NAALADL2: variants seen among roughly 807,000 people sequenced by gnomAD.
NAALADL2 encodes inactive N-acetylated-alpha-linked acidic dipeptidase-like protein 2.
NAALADL2 carries 76 observed loss-of-function variants against 87.2 expected under a neutral mutation model. The observed-to-expected ratio is 0.87, with a 90% CI of 0.72 to 1.05. The LOEUF (loss-of-function observed/expected upper bound fraction) is 1.05. NAALADL2 is among the 50% of genes least tolerant of loss of function. The pLI is 0.00. For missense variants in NAALADL2, 1,089 were observed against 945.8 expected (o/e 1.15, Z -1.99); for synonymous variants, 354 against 331.0 (o/e 1.07, Z -0.75).
intron 2 of NAALADL2, among the ~76,000 whole-genome samples, chr3:175,185,765 T>C (rs1737240074): frequency 6.6e-6 from 1 of 150,598 alleles, no homozygotes; most frequent in Non-Finnish European, 1.5e-5. Flanking sequence ...TATAATTATA[T>C]AAGCCTTTTG....
At chr3:174,475,105 A>T (rs1309042197) in intron 1 of NAALADL2, among the ~76,000 whole-genome samples, 1 of 151,982 alleles carries the variant, frequency 6.6e-6, no homozygotes, top group Admixed American at 6.6e-5. Flanking sequence ...CTAAATGATT[A>T]GAGAAAAATA....
At chr3:174,538,275 G>A (rs1452974107) in intron 1 of NAALADL2, among the ~76,000 whole-genome samples, 2 of 152,050 alleles carry the variant, frequency 1.3e-5, no homozygotes, top group African/African-American at 2.4e-5. Flanking sequence ...TTGGCCCACG[G>A]CATTCCTAAG....
Position 175,323,887 on chromosome 3 carries a change from A to G in NAALADL2, c.940-288A>G, listed in dbSNP as rs369777702. Among the ~76,000 whole-genome samples, 108 of 151,484 alleles carry G rather than the reference A, an allele frequency of 7.1e-4. 1 individual carries two copies. In the East Asian group the frequency reaches 9.5e-3, roughly 13 times the overall value. On this transcript the variant is annotated intron_variant, in intron 4 of 13. Transcript: ENST00000454872. ...AAAAAAATTAGCCGGGTGTGGTGGC[A>G]GGCGCCTGTGGTCCCAGCTACTCGG...
chr3:174,457,701 G>A (rs1276025847), intron 1 of NAALADL2, among the ~76,000 whole-genome samples: 1 of 152,064 alleles, frequency 6.6e-6, no homozygotes, highest in Middle Eastern at 3.2e-3. Context: ...GTGTGCACCT[G>A]TAATCTCAGC....
intron 1 of NAALADL2, among the ~76,000 whole-genome samples, chr3:174,454,845 C>T (rs1320923341): frequency 2.0e-5 from 3 of 151,994 alleles, no homozygotes; most frequent in Non-Finnish European, 4.4e-5. Context: ...CAAGAGCAAA[C>T]CAACCCCAGT....
intron 2 of NAALADL2, among the ~76,000 whole-genome samples, chr3:175,165,921 G>A (rs1733932165): frequency 6.6e-6 from 1 of 151,764 alleles, no homozygotes; most frequent in Admixed American, 6.6e-5. Context: ...ATATCTTTCT[G>A]TTTACTCTCC....
chr3:174,905,028 G>A (rs557083177), intron 1 of NAALADL2, among the ~76,000 whole-genome samples: 1 of 151,732 alleles, frequency 6.6e-6, no homozygotes, highest in South Asian at 2.1e-4. Context: ...TAATTCTATA[G>A]CAGTTTTCTT....
intron 12 of NAALADL2, among the ~76,000 whole-genome samples, chr3:175,753,470 C>A (rs980909710): frequency 6.6e-6 from 1 of 151,930 alleles, no homozygotes; most frequent in Admixed American, 6.6e-5. Context: ...GTGCTGGGCA[C>A]TAAAGACATT....
At chr3:175,057,860 C>T (rs1712553318) in intron 1 of NAALADL2, among the ~76,000 whole-genome samples, 1 of 152,204 alleles carries the variant, frequency 6.6e-6, no homozygotes, top group African/African-American at 2.4e-5. Context: ...GTCACTACTA[C>T]ATTGTTTGAG....
At chr3:174,501,064 C>A (rs1320044258) in intron 1 of NAALADL2, among the ~76,000 whole-genome samples, 1 of 140,892 alleles carries the variant, frequency 7.1e-6, no homozygotes, top group East Asian at 2.3e-4. Flanking sequence ...CTTACATAGG[C>A]ATATAGGTCT....
chr3:175,544,451 C>T (rs1279590891), intron 9 of NAALADL2, among the ~76,000 whole-genome samples: 1 of 152,142 alleles, frequency 6.6e-6, no homozygotes, highest in Non-Finnish European at 1.5e-5. Context: ...TATATGGATG[C>T]AGGCAGTTTT....
chr3:175,095,366 C>G (rs1017451176), intron 1 of NAALADL2, among the ~76,000 whole-genome samples: 2 of 151,936 alleles, frequency 1.3e-5, no homozygotes, highest in Non-Finnish European at 2.9e-5. Flanking sequence ...TGATGGGTCG[C>G]TATTTGTGGA....
At chr3:175,722,237 C>G (rs759707802) in intron 11 of NAALADL2, among the ~76,000 whole-genome samples, 1 of 152,076 alleles carries the variant, frequency 6.6e-6, no homozygotes, top group African/African-American at 2.4e-5. Context: ...TCATCAGTTG[C>G]TGCCCCATAA....
intron 11 of NAALADL2, among the ~76,000 whole-genome samples, chr3:175,653,792 A>G (rs1731095400): frequency 6.6e-6 from 1 of 152,080 alleles, no homozygotes; most frequent in Non-Finnish European, 1.5e-5. Context: ...TTTCCTTTCC[A>G]TAGAGTACTG....
rs1264422588 is a variant in NAALADL2 at position 175,216,440 on chromosome 3, G to A, written c.546-17491G>A. ...ATAGTTGCAACAAATTTATGGAAAA[G>A]TAGATAGTTCTTTCCAAGACTACTT... On this transcript the variant is annotated intron_variant, in intron 2 of 13. Coordinates refer to ENST00000454872, the MANE Select transcript of NAALADL2 (RefSeq NM_207015.3). Among the ~76,000 whole-genome samples the A allele has an allele frequency of 2.0e-5, 3 of 151,950 alleles. No individual in the cohort carries two copies. The East Asian group carries it at 5.8e-4, about 29-fold the overall frequency.
chr3:175,309,607 GT>G (rs1004032844), intron 4 of NAALADL2, among the ~76,000 whole-genome samples: 2,002 of 147,602 alleles, frequency 0.014, 48 homozygotes, highest in African/African-American at 0.046. Flanking sequence ...CAGGATAACT[GT>G]TTTTTTTTTC....
At chr3:175,468,675 T>C (rs549531487) in intron 8 of NAALADL2, among the ~76,000 whole-genome samples, 22 of 152,180 alleles carry the variant, frequency 1.4e-4, no homozygotes, top group Admixed American at 1.4e-3. Context: ...AATTCTAAAT[T>C]AAAATATATA....
At chr3:175,588,529 C>CTTTTT (rs1430802993) in intron 10 of NAALADL2, among the ~76,000 whole-genome samples, 3 of 94,496 alleles carry the variant, frequency 3.2e-5, no homozygotes, top group African/African-American at 1.2e-4. Context: ...TTCTTTCTTT[C>CTTTTT]TTTTCTTTTT....
chr3:175,348,713 T>C (rs991649316), intron 5 of NAALADL2, among the ~76,000 whole-genome samples: 15 of 152,142 alleles, frequency 9.9e-5, no homozygotes, highest in African/African-American at 3.6e-4. Context: ...ATACTAGTGA[T>C]TGGATTTAGG....
Sources: allele counts gnomAD v4.1 joint callset (sites outside exome capture counted in the v4.1 genomes callset), GRCh38; gene constraint gnomAD v4.1.1; transcripts MANE v1.5; gene names NCBI Gene and HGNC (gene_info 2026-07-23, HGNC 2026-07-21).